The following TTC6 variants were observed in gnomAD, a reference collection of about 807,000 sequenced individuals.
TTC6 encodes the protein tetratricopeptide repeat domain 6.
In TTC6, 172 loss-of-function variants were observed where a neutral mutation model predicts 210.4. That is an observed-to-expected ratio of 0.82 (90% CI 0.72 to 0.93). TTC6 has a LOEUF of 0.93. TTC6 is among the 40% of genes least tolerant of loss of function. The pLI is 0.00. For synonymous variants in TTC6, 804 were observed against 819.6 expected (o/e 0.98, Z 0.32); for missense variants, 2,414 against 2,318.1 (o/e 1.04, Z -0.85).
At chr14:37,813,829 A>T (rs756165334) in intron 25 of TTC6, among the ~76,000 whole-genome samples, 1 of 152,156 alleles carries the variant, frequency 6.6e-6, no homozygotes, top group Non-Finnish European at 1.5e-5. Flanking sequence ...CCCATTAGCA[A>T]GTCCAGTCAG....
At chr14:37,727,952 A>G (rs1214445572) in intron 7 of TTC6, among the ~76,000 whole-genome samples, 1 of 152,160 alleles carries the variant, frequency 6.6e-6, no homozygotes, top group Non-Finnish European at 1.5e-5. Flanking sequence ...CAGTGGTATT[A>G]TTTGTTATCA....
intron 1 of TTC6, among the ~76,000 whole-genome samples, chr14:37,653,819 T>C (rs2095717185): frequency 6.6e-6 from 1 of 152,234 alleles, no homozygotes. Flanking sequence ...AACTTATTCA[T>C]ATTTGTTGTT....
chr14:37,806,398 C>T (rs1456601068), exon 22 of TTC6: 1 of 1,535,318 alleles, frequency 6.5e-7, no homozygotes, highest in Non-Finnish European at 8.7e-7. Flanking sequence ...AAAGCAAATC[C>T]AGATTTTGCA....
At chr14:37,693,547 C>T (rs143817139) in intron 3 of TTC6, among the ~76,000 whole-genome samples, 5 of 151,816 alleles carry the variant, frequency 3.3e-5, no homozygotes, top group Admixed American at 3.3e-4. Context: ...CAAAAAAGGC[C>T]CAGAATAACC....
At chr14:37,827,341 A>G (rs897187229) in exon 29 of TTC6, 5 of 1,612,536 alleles carry the variant, frequency 3.1e-6, no homozygotes, top group African/African-American at 1.3e-5. Flanking sequence ...GGAAATATCT[A>G]CTTTCACCAC....
Position 37,628,338 on chromosome 14 carries a change from A to T in TTC6, c.939+5335A>T, listed in dbSNP as rs528063803. 3.3e-5 allele frequency among the ~76,000 whole-genome samples: 5 copies of T among 152,190 alleles called. No individual in the cohort carries two copies. The South Asian group carries it at 1.0e-3, about 32-fold the overall frequency. ...GAGATGGTATCTCATTGTGGTTTTG[A>T]TTTGTATTTCTCTAATGACCAGTGA... On this transcript the variant is annotated intron_variant, in intron 1 of 30. Transcript: ENST00000553443.
chr14:37,840,098 C>G (rs1179146807), intron 29 of TTC6, among the ~76,000 whole-genome samples: 1 of 151,236 alleles, frequency 6.6e-6, no homozygotes. Flanking sequence ...GCTAGCCAGA[C>G]TAATAAACAA....
chr14:37,779,407 C>T (rs1198297224), intron 14 of TTC6, among the ~76,000 whole-genome samples: 6 of 151,976 alleles, frequency 3.9e-5, no homozygotes, highest in Admixed American at 6.6e-5. Context: ...GATAAGTGCC[C>T]CTTGGCCATT....
chr14:37,826,195 G>T, exon 28 of TTC6: 1 of 1,574,452 alleles, frequency 6.4e-7, no homozygotes, highest in Non-Finnish European at 8.6e-7. Context: ...ATTATTTTAG[G>T]CCCAAGGAAA....
chr14:37,819,501 A>G (rs554503096), intron 26 of TTC6, among the ~76,000 whole-genome samples: 29 of 152,284 alleles, frequency 1.9e-4, no homozygotes, highest in Admixed American at 9.2e-4. Context: ...TGTGGTTGCT[A>G]GGAGACAACA....
chr14:37,753,276 T>C, intron 14 of TTC6, 41 bp downstream of exon 16: 2 of 1,444,578 alleles, frequency 1.4e-6, no homozygotes, highest in South Asian at 2.6e-5. Flanking sequence ...TTATTACTAT[T>C]ATTTGAAATA....
chr14:37,662,888 G>A (rs779455877), intron 1 of TTC6, among the ~76,000 whole-genome samples: 1 of 151,870 alleles, frequency 6.6e-6, no homozygotes, highest in Non-Finnish European at 1.5e-5. Flanking sequence ...TTGGTTCCGT[G>A]TGGATTTTAA....
intron 5 of TTC6, among the ~76,000 whole-genome samples, chr14:37,708,310 G>A (rs953120374): frequency 2.0e-5 from 3 of 151,940 alleles, no homozygotes; most frequent in Middle Eastern, 3.4e-3. Context: ...CTTCAAATAA[G>A]GTAGTAATAT....
At chr14:37,631,600 T>A (rs1732319176) in intron 1 of TTC6, among the ~76,000 whole-genome samples, 1 of 152,216 alleles carries the variant, frequency 6.6e-6, no homozygotes, top group Admixed American at 6.5e-5. Context: ...TTGGTGTTGC[T>A]CTTCTCAAGG....
chr14:37,643,237 GGTGGAGGTTGCAGTGA>G (rs886383198), intron 1 of TTC6, among the ~76,000 whole-genome samples: 5 of 152,210 alleles, frequency 3.3e-5, no homozygotes, highest in African/African-American at 1.2e-4. Context: ...GAACTGGGAA[GGTGGAGGTTGCAGTGA>G]GCCGAGATTG....
intron 6 of TTC6, among the ~76,000 whole-genome samples, chr14:37,719,664 C>A (rs771826024): frequency 1.3e-5 from 2 of 151,928 alleles, no homozygotes; most frequent in Non-Finnish European, 2.9e-5. Context: ...AGAAAAAGAA[C>A]CCTGACCTAA....
At chr14:37,686,975 C>A (rs1287555570) in intron 3 of TTC6, among the ~76,000 whole-genome samples, 1 of 152,122 alleles carries the variant, frequency 6.6e-6, no homozygotes, top group Non-Finnish European at 1.5e-5. Context: ...GAAGGTGGAG[C>A]AAGATGGTGG....
intron 7 of TTC6, among the ~76,000 whole-genome samples, chr14:37,727,854 A>G (rs201013479): frequency 1.4e-5 from 2 of 146,160 alleles, no homozygotes; most frequent in Non-Finnish European, 3.1e-5. Context: ...ATTAGCGTAA[A>G]AATATATTCT....
chr14:37,722,371 T>A (rs913187635), intron 6 of TTC6, among the ~76,000 whole-genome samples: 14 of 152,170 alleles, frequency 9.2e-5, no homozygotes, highest in African/African-American at 3.1e-4. Flanking sequence ...GTTAGTCTTA[T>A]TTACTAGTTT....
Sources: gnomAD v4.1 joint callset for allele counts (sites outside exome capture counted in the v4.1 genomes callset) on GRCh38, gnomAD v4.1.1 for gene constraint, MANE v1.5 for transcripts, NCBI Gene and HGNC (gene_info 2026-07-23, HGNC 2026-07-21) for gene names.